RALGAPA2: variants seen among roughly 807,000 people sequenced by gnomAD.
The protein encoded by RALGAPA2 is Ral GTPase activating protein catalytic subunit alpha 2.
RALGAPA2 carries 139 observed loss-of-function variants against 230.4 expected under a neutral mutation model. The observed-to-expected ratio is 0.60, with a 90% CI of 0.53 to 0.69. The LOEUF is 0.69. Among genes scored for constraint, RALGAPA2 ranks in the 30% least tolerant of loss-of-function variants. The probability of loss-of-function intolerance (pLI) is 0.00; values close to 1 mark genes in which losing one functional copy is unlikely to be tolerated. For synonymous variants in RALGAPA2, 847 were observed against 837.8 expected (o/e 1.01, Z -0.19); for missense variants, 2,163 against 2,276.0 (o/e 0.95, Z 1.01).
intron 20 of RALGAPA2, among the ~76,000 whole-genome samples, chr20:20,575,163 C>A (rs2064779021): frequency 1.3e-5 from 2 of 151,928 alleles, no homozygotes; most frequent in Admixed American, 1.3e-4. Flanking sequence ...ATACTCATGC[C>A]CCTCTTAATC....
intron 37 of RALGAPA2, among the ~76,000 whole-genome samples, chr20:20,467,347 A>G (rs2061440571): frequency 6.6e-6 from 1 of 152,258 alleles, no homozygotes. Flanking sequence ...CAGGCTATTT[A>G]GTAACCTAGT....
chr20:20,397,532 A>C (rs1477876330), intron 38 of RALGAPA2, among the ~76,000 whole-genome samples: 1 of 152,084 alleles, frequency 6.6e-6, no homozygotes, highest in Non-Finnish European at 1.5e-5. Context: ...CTGAACTCTC[A>C]GCCCCCACAA....
At position 20,629,525 on chromosome 20, in the gene RALGAPA2, C is replaced by T. The variant is rs771717957; in HGVS notation, c.1071G>A (p.Gln357=). The T allele has an allele frequency of 6.2e-7, 1 of 1,613,910 alleles. No homozygotes were observed. Among genetic ancestry groups the T allele is most frequent in the South Asian group, 1.1e-5 (1 of 91,074 alleles). The change falls in exon 10 of 40, where the codon CAG becomes CAA. Residue 357 remains glutamine, a synonymous_variant. Transcript: ENST00000202677. ...TGCTGCTGTTAGAATGGCTTTTGTC[C>T]TGCTCCGTGGGCCCACCACCATCCA... ...PELDGGGPTE[Q]DKSHSNSSTL...
At chr20:20,558,656 A>G (rs2064162171) in intron 23 of RALGAPA2, among the ~76,000 whole-genome samples, 1 of 152,062 alleles carries the variant, frequency 6.6e-6, no homozygotes, top group African/African-American at 2.4e-5. Context: ...GGGGAAATGC[A>G]TTAGAAAGAT....
intron 30 of RALGAPA2, 66 bp downstream of exon 30, chr20:20,524,340 A>G: frequency 1.3e-6 from 2 of 1,576,210 alleles, no homozygotes; most frequent in Non-Finnish European, 8.7e-7. Flanking sequence ...TGCATAAGAC[A>G]TATTTTGGTG....
chr20:20,417,608 G>A lies in RALGAPA2; in HGVS notation c.5496-5460C>T, dbSNP rs144577745. ...TGAGTCAAATAGTTAACATTCACAG[G>A]TTCCAGGAACTGGGACACAGACATA... On this transcript the variant is annotated intron_variant, in intron 37 of 39. Coordinates refer to ENST00000202677, the MANE Select transcript of RALGAPA2 (RefSeq NM_020343.4). Among the ~76,000 whole-genome samples, 672 of 152,214 alleles carry A rather than the reference G, an allele frequency of 4.4e-3. 5 individuals are homozygous for A. Among genetic ancestry groups the A allele is most frequent in the African/African-American group, 0.015 (626 of 41,518 alleles).
chr20:20,555,723 A>T (rs1048371808), intron 23 of RALGAPA2, among the ~76,000 whole-genome samples: 6 of 152,202 alleles, frequency 3.9e-5, no homozygotes, highest in African/African-American at 9.7e-5. Context: ...TTGTATAAAA[A>T]TACAGTTGAT....
At position 20,712,270 on chromosome 20, in the gene RALGAPA2, C is replaced by T; in HGVS notation, c.106+105G>A. ...GGAAGGGGGTCGGACGCCCACCCAT[C>T]CCCCTCCCCAGCCTCCCAGCCACCG... On this transcript the variant is annotated intron_variant, in intron 1 of 39. Transcript: ENST00000202677. This position sits in a 1 kb window ranked among gnomAD's most constrained non-coding sequence, Gnocchi z 5.5. 2 of 404,150 alleles carry T rather than the reference C, an allele frequency of 4.9e-6. No individual in the cohort carries two copies. The highest frequency in any genetic ancestry group is 4.3e-5 in the Admixed American group (1 of 23,348). 25.0% of individuals were successfully genotyped at this position (404,150 alleles called of 1,614,324 possible). A position where few individuals can be genotyped will look rare whatever the true frequency, so the allele number is the denominator to read the frequency against.
At chr20:20,507,918 C>A (rs2062581786) in intron 33 of RALGAPA2, among the ~76,000 whole-genome samples, 1 of 152,206 alleles carries the variant, frequency 6.6e-6, no homozygotes, top group Admixed American at 6.5e-5. Flanking sequence ...GAAGGTCTCT[C>A]TACATATGTA....
intron 2 of RALGAPA2, 140 bp downstream of exon 2, chr20:20,680,551 C>T: frequency 1.6e-6 from 2 of 1,233,094 alleles, no homozygotes; most frequent in Non-Finnish European, 1.1e-6. Context: ...AAGATGCCAC[C>T]CTGTCCACCA....
intron 1 of RALGAPA2, among the ~76,000 whole-genome samples, chr20:20,702,030 A>G (rs2069396512): frequency 6.6e-6 from 1 of 150,862 alleles, no homozygotes; most frequent in Admixed American, 6.6e-5. Context: ...ACAGAGCAAG[A>G]CTCCATCTCA....
chr20:20,649,597 C>G (rs2067325882), intron 4 of RALGAPA2, among the ~76,000 whole-genome samples: 1 of 152,102 alleles, frequency 6.6e-6, no homozygotes, highest in Non-Finnish European at 1.5e-5. Flanking sequence ...CCCTTTAAAC[C>G]TAGGGATTAT....
intron 37 of RALGAPA2, among the ~76,000 whole-genome samples, chr20:20,467,031 A>C (rs577713550): frequency 6.6e-6 from 1 of 152,196 alleles, no homozygotes; most frequent in Non-Finnish European, 1.5e-5. Flanking sequence ...AGTTACTGAA[A>C]AAACTGCTGA....
intron 3 of RALGAPA2, among the ~76,000 whole-genome samples, chr20:20,672,671 CAG>C (rs1382580311): frequency 6.6e-6 from 1 of 152,056 alleles, no homozygotes; most frequent in Non-Finnish European, 1.5e-5. Context: ...GCTTAAGAAA[CAG>C]AGAGGATAGA....
chr20:20,696,219 T>C (rs2069108079), intron 1 of RALGAPA2, among the ~76,000 whole-genome samples: 1 of 152,180 alleles, frequency 6.6e-6, no homozygotes, highest in African/African-American at 2.4e-5. Flanking sequence ...CCCATCTTCC[T>C]TAACACCTTT....
rs62202185 is a variant in RALGAPA2, at chr20:20,675,001, T to C, written c.270+1235A>G. Among the ~76,000 whole-genome samples, 839 of 152,320 alleles carry C rather than the reference T, an allele frequency of 5.5e-3. 2 individuals are homozygous for C. Among genetic ancestry groups the C allele is most frequent in the Non-Finnish European group, 9.1e-3 (622 of 68,030 alleles). On this transcript the variant is annotated intron_variant, in intron 3 of 39. Coordinates refer to ENST00000202677, the MANE Select transcript of RALGAPA2 (RefSeq NM_020343.4). ...CATGCTTCCTAACTTACATATGTTA[T>C]AGATTCTTTAACCATTACATAAATA... is the stretch of plus-strand genomic sequence containing the variant.
chr20:20,409,886 A>G (rs2060025024), intron 38 of RALGAPA2, among the ~76,000 whole-genome samples: 2 of 152,248 alleles, frequency 1.3e-5, no homozygotes, highest in Non-Finnish European at 2.9e-5. Context: ...AAAACAGAAC[A>G]TTATGCCTAG....
chr20:20,697,064 G>A (rs1201385596), intron 1 of RALGAPA2, among the ~76,000 whole-genome samples: 2 of 152,074 alleles, frequency 1.3e-5, no homozygotes, highest in Non-Finnish European at 2.9e-5. Flanking sequence ...CACCCTAATA[G>A]AATGAAAGTC....
chr20:20,464,966 A>C (rs1023416612), intron 37 of RALGAPA2, among the ~76,000 whole-genome samples: 4 of 152,172 alleles, frequency 2.6e-5, no homozygotes, highest in African/African-American at 9.7e-5. Flanking sequence ...GAGTTAATGT[A>C]TATTTATATA....
Sources: gnomAD v4.1 joint callset for allele counts (sites outside exome capture counted in the v4.1 genomes callset) on GRCh38, gnomAD v4.1.1 for gene constraint, Gnocchi (gnomAD v3.1) non-coding constraint, MANE v1.5 for transcripts, NCBI Gene and HGNC (gene_info 2026-07-23, HGNC 2026-07-21) for gene names.